DIAPH2: variants seen among roughly 807,000 people sequenced by gnomAD.
DIAPH2 encodes protein diaphanous homolog 2.
DIAPH2 carries 35 observed loss-of-function variants against 92.7 expected under a neutral mutation model. The ratio of observed to expected loss-of-function variants is 0.38; its 90% CI spans 0.29 to 0.50. The LOEUF (loss-of-function observed/expected upper bound fraction) is 0.50. DIAPH2 is among the 20% of genes least tolerant of loss of function. The pLI, the probability that DIAPH2 is intolerant of heterozygous loss-of-function variation, is 0.94. For synonymous variants in DIAPH2, 301 were observed against 280.4 expected (o/e 1.07, Z -0.73); for missense variants, 701 against 819.5 (o/e 0.86, Z 1.77).
intron 23 of DIAPH2, among the ~76,000 whole-genome samples, chrX:97,267,241 A>G (rs1443307453): frequency 1.8e-5 from 2 of 111,917 alleles, no homozygotes; most frequent in Non-Finnish European, 3.8e-5. Context: ...TGAGTTATCA[A>G]TAATAAGAAA....
intron 22 of DIAPH2, among the ~76,000 whole-genome samples, chrX:97,201,925 A>T (rs2067754287): frequency 9.0e-6 from 1 of 111,548 alleles, no homozygotes; most frequent in African/African-American, 3.3e-5. Context: ...GAGAAAGGTT[A>T]GGTCACCTAC....
intron 4 of DIAPH2, among the ~76,000 whole-genome samples, chrX:96,794,944 T>C (rs2064527668): frequency 8.9e-6 from 1 of 112,155 alleles, no homozygotes; most frequent in Admixed American, 9.5e-5. Context: ...ATTCGTGTCA[T>C]CTTCTGCTTT....
intron 24 of DIAPH2, among the ~76,000 whole-genome samples, chrX:97,381,907 GT>G (rs951438451): frequency 2.7e-5 from 3 of 110,858 alleles, no homozygotes; most frequent in Admixed American, 9.6e-5. Flanking sequence ...GTAACCAGCC[GT>G]TTTTTTTCCC....
At chrX:96,866,890 A>G (rs1263756159) in intron 4 of DIAPH2, among the ~76,000 whole-genome samples, 2 of 112,206 alleles carry the variant, frequency 1.8e-5, no homozygotes, top group African/African-American at 6.5e-5. Context: ...AGAATAGTAA[A>G]TTGTATAATG....
At chrX:97,360,605 C>T (rs2069316037) in intron 24 of DIAPH2, among the ~76,000 whole-genome samples, 1 of 111,505 alleles carries the variant, frequency 9.0e-6, no homozygotes, top group Non-Finnish European at 1.9e-5. Context: ...GCCCAGGCGA[C>T]AGAGCAAGAC....
At chrX:97,176,772 C>T (rs1338346960) in intron 22 of DIAPH2, among the ~76,000 whole-genome samples, 2 of 111,509 alleles carry the variant, frequency 1.8e-5, no homozygotes, top group African/African-American at 6.5e-5. Flanking sequence ...CGTGATCCGC[C>T]TGCCTCGGCC....
intron 25 of DIAPH2, among the ~76,000 whole-genome samples, chrX:97,393,341 T>C (rs895531643): frequency 3.6e-5 from 4 of 111,959 alleles, no homozygotes; most frequent in African/African-American, 6.5e-5. Context: ...CAGCACAGTT[T>C]TACCAGTAGA....
intron 1 of DIAPH2, among the ~76,000 whole-genome samples, chrX:96,733,061 T>C (rs2064065480): frequency 9.0e-6 from 1 of 111,303 alleles, no homozygotes; most frequent in African/African-American, 3.3e-5. Context: ...GGAGGGAGTA[T>C]GATAGTCATT....
At chrX:97,363,355 G>T (rs1294259733) in intron 24 of DIAPH2, among the ~76,000 whole-genome samples, 1 of 110,921 alleles carries the variant, frequency 9.0e-6, no homozygotes, top group Non-Finnish European at 1.9e-5. Context: ...CAGTATTTTT[G>T]CTATTAAAAA....
chrX:96,911,541 T>C (rs2065468784), intron 5 of DIAPH2, among the ~76,000 whole-genome samples: 1 of 110,861 alleles, frequency 9.0e-6, no homozygotes, highest in South Asian at 3.9e-4. Context: ...CTAAACACAC[T>C]AGCTAATGCC....
At chrX:96,834,331 C>T (rs969532101) in intron 4 of DIAPH2, among the ~76,000 whole-genome samples, 1 of 111,825 alleles carries the variant, frequency 8.9e-6, no homozygotes, top group Non-Finnish European at 1.9e-5. Flanking sequence ...TGGTCCCAAG[C>T]ATTTCTAACA....
intron 26 of DIAPH2, among the ~76,000 whole-genome samples, chrX:97,570,120 A>G (rs1437611420): frequency 4.6e-5 from 1 of 21,864 alleles, no homozygotes; most frequent in South Asian, 4.6e-3. Flanking sequence ...ATATATATAT[A>G]TATTAGAAGA....
At chrX:97,529,587 G>A (rs1333089151) in intron 26 of DIAPH2, among the ~76,000 whole-genome samples, 1 of 111,750 alleles carries the variant, frequency 8.9e-6, no homozygotes, top group Non-Finnish European at 1.9e-5. Flanking sequence ...GAATTATAAT[G>A]AATTATGTTA....
chrX:97,418,539 AC>A (rs1302032105), intron 25 of DIAPH2, among the ~76,000 whole-genome samples: 1 of 111,580 alleles, frequency 9.0e-6, no homozygotes, highest in Non-Finnish European at 1.9e-5. Context: ...TACACATTTG[AC>A]CTCCTGATGG....
intron 22 of DIAPH2, among the ~76,000 whole-genome samples, chrX:97,204,981 A>T (rs143550035): frequency 1.8e-3 from 198 of 111,236 alleles, no homozygotes; most frequent in African/African-American, 5.4e-3. Flanking sequence ...AGACATATAG[A>T]CCAATGGAGC....
chrX:97,027,558 C>T (rs2066343811), intron 17 of DIAPH2, among the ~76,000 whole-genome samples: 1 of 112,107 alleles, frequency 8.9e-6, no homozygotes, highest in Admixed American at 9.5e-5. Flanking sequence ...CCAAACTGAC[C>T]TTAAAAGTGG....
intron 1 of DIAPH2, among the ~76,000 whole-genome samples, chrX:96,696,310 G>A (rs776154424): frequency 4.5e-5 from 5 of 112,211 alleles, no homozygotes; most frequent in African/African-American, 1.6e-4. Context: ...TTTTAAAAAT[G>A]TGACTCTGGA....
intron 25 of DIAPH2, among the ~76,000 whole-genome samples, chrX:97,422,262 A>T (rs193289863): frequency 2.7e-5 from 3 of 110,679 alleles, no homozygotes; most frequent in Non-Finnish European, 5.7e-5. Context: ...TTTAGATTTT[A>T]TTATCTGTGA....
At position 96,958,060 on chromosome X, in the gene DIAPH2, C is replaced by T. The variant is rs147397687; in HGVS notation, c.1847C>T (p.Pro616Leu). Residue 616 changes from proline to leucine, a missense_variant, in exon 16 of 27, where the codon CCA (proline) becomes CTA (leucine). Transcript: ENST00000324765. ...CCCCTTGGAGGAGTTCCTCCTCCCCCAGGAATATCACTTAATCTACCTTAT... is the reference window on the plus strand; with the variant it reads ...CCCCTTGGAGGAGTTCCTCCTCCCCTAGGAATATCACTTAATCTACCTTAT... ...PPPLGGVPPP[P>L]GISLNLPYGM... The T allele has an allele frequency of 5.8e-6, 7 of 1,209,766 alleles. 1 individual carries two copies. The Middle Eastern group carries it at 1.1e-3, about 198-fold the overall frequency.
Sources: gnomAD v4.1 joint callset for allele counts (sites outside exome capture counted in the v4.1 genomes callset) on GRCh38, gnomAD v4.1.1 for gene constraint, MANE v1.5 for transcripts, NCBI Gene and HGNC (gene_info 2026-07-23, HGNC 2026-07-21) for gene names.